RAB7A: variants seen among roughly 807,000 people sequenced by gnomAD.
RAB7A encodes the protein RAB7A, member RAS oncogene family.
In RAB7A, 2 loss-of-function variants were observed where a neutral mutation model predicts 24.5. The ratio of observed to expected loss-of-function variants is 0.08; its 90% CI spans 0.03 to 0.26. The LOEUF (loss-of-function observed/expected upper bound fraction) is 0.26. Ranked by LOEUF, RAB7A falls within the 10% of genes least tolerant of loss-of-function variation. RAB7A has a pLI of 1.00. For synonymous variants in RAB7A, 100 were observed against 95.9 expected, an observed-to-expected ratio of 1.04 and a Z score of -0.25; for missense variants, 118 against 255.7, an observed-to-expected ratio of 0.46 and a Z score of 3.67.
chr3:128,801,174 C>T (rs900369811), intron 3 of RAB7A, among the ~76,000 whole-genome samples: 1 of 152,146 alleles, frequency 6.6e-6, no homozygotes, highest in Non-Finnish European at 1.5e-5. Flanking sequence ...ATGTGTACAG[C>T]ATAGTGCCTG....
intron 1 of RAB7A, among the ~76,000 whole-genome samples, chr3:128,731,163 A>T (rs1179075903): frequency 6.6e-6 from 1 of 152,234 alleles, no homozygotes; most frequent in African/African-American, 2.4e-5. Context: ...TTGATTTCCA[A>T]TATTGGTATG....
At chr3:128,746,517 T>A (rs560412377) in intron 1 of RAB7A, among the ~76,000 whole-genome samples, 29 of 151,752 alleles carry the variant, frequency 1.9e-4, no homozygotes, top group African/African-American at 4.6e-4. Flanking sequence ...TTTTTTATTT[T>A]TTTATTTTTT....
At chr3:128,787,447 C>T (rs899210290) in intron 1 of RAB7A, among the ~76,000 whole-genome samples, 1 of 152,166 alleles carries the variant, frequency 6.6e-6, no homozygotes, top group African/African-American at 2.4e-5. Flanking sequence ...CCAGCCCTCA[C>T]AAGCCAGAAT....
In RAB7A at chr3:128,764,927, C is replaced by T. The variant is rs1004241514; in HGVS notation, c.-8-30433C>T. On this transcript the variant is annotated intron_variant, in intron 1 of 5. Transcript: ENST00000265062. ...GACACGGACAGGTAAACGTAGGAGG[C>T]GTAGAGCTCCAGGTTGATCTGGCCG... is the stretch of plus-strand genomic sequence containing the variant. 1.6e-4 allele frequency: 260 copies of T among 1,589,898 alleles called. 1 individual carries two copies. The highest frequency in any genetic ancestry group is 2.7e-4 in the Admixed American group (16 of 59,966).
At chr3:128,789,739 G>C (rs1933414921) in intron 1 of RAB7A, among the ~76,000 whole-genome samples, 1 of 151,436 alleles carries the variant, frequency 6.6e-6, no homozygotes, top group Non-Finnish European at 1.5e-5. Context: ...AGCTAACTCT[G>C]CTTGGGCAGC....
At chr3:128,780,489 A>C (rs907379082) in intron 1 of RAB7A, among the ~76,000 whole-genome samples, 3 of 152,200 alleles carry the variant, frequency 2.0e-5, no homozygotes, top group African/African-American at 7.2e-5. Flanking sequence ...TGTACTTACC[A>C]GCTTATAGAG....
chr3:128,746,455 A>C (rs2070616215), intron 1 of RAB7A, among the ~76,000 whole-genome samples: 1 of 151,822 alleles, frequency 6.6e-6, no homozygotes, highest in African/African-American at 2.4e-5. Flanking sequence ...TTTTTTGTAG[A>C]GATGCGGTCT....
chr3:128,791,669 T>TG (rs1933456611), intron 1 of RAB7A, among the ~76,000 whole-genome samples: 1 of 152,152 alleles, frequency 6.6e-6, no homozygotes, highest in Non-Finnish European at 1.5e-5. Context: ...CATGGATAAG[T>TG]GATGGGCCAC....
chr3:128,736,630 G>C (rs2107583762), intron 1 of RAB7A, among the ~76,000 whole-genome samples: 1 of 152,106 alleles, frequency 6.6e-6, no homozygotes, highest in African/African-American at 2.4e-5. Flanking sequence ...TTTAAATCCA[G>C]CACATACAGA....
chr3:128,798,821 TAAAA>T (rs56925997), intron 3 of RAB7A: 1,482 of 149,996 alleles, frequency 9.9e-3, no homozygotes, highest in South Asian at 0.027. Context: ...TCTCTAAATT[TAAAA>T]AAAAAAAAAA....
At chr3:128,758,274 G>GTT (rs35360318) in intron 1 of RAB7A, among the ~76,000 whole-genome samples, 3,314 of 126,702 alleles carry the variant, frequency 0.026, 155 homozygotes, top group African/African-American at 0.084. Context: ...TTGTTTTTTT[G>GTT]TTTTTTTTTT....
At chr3:128,797,898 G>A in intron 2 of RAB7A, 45 bp from the exon 3 acceptor site, 1 of 1,605,744 alleles carries the variant, frequency 6.2e-7, no homozygotes. Context: ...TCAGTTTCAG[G>A]ACCCTCCTAT....
At chr3:128,760,178 A>G (rs997751399) in intron 1 of RAB7A, among the ~76,000 whole-genome samples, 3 of 152,300 alleles carry the variant, frequency 2.0e-5, no homozygotes, top group South Asian at 2.1e-4. Flanking sequence ...GAGGCTGCTT[A>G]GAGAAGGAGG....
intron 1 of RAB7A, among the ~76,000 whole-genome samples, chr3:128,756,854 T>TA (rs2070733385): frequency 6.6e-6 from 1 of 151,682 alleles, no homozygotes; most frequent in African/African-American, 2.4e-5. Context: ...CTTTTTTTTT[T>TA]TTTTTTTGAG....
In RAB7A at chr3:128,810,781, C is replaced by T. The variant is rs191247275; in HGVS notation, c.529-2546C>T. ...CACAAACATTCTGCCCAGCCGAGTG[C>T]GGTGGCTCATGCCTGTAATCCCAGC... On this transcript the variant is annotated intron_variant, in intron 5 of 5. Transcript: ENST00000265062. Among the ~76,000 whole-genome samples the T allele has an allele frequency of 5.5e-3, 836 of 152,290 alleles. 6 individuals are homozygous for T. The highest frequency in any genetic ancestry group is 8.0e-3 in the Non-Finnish European group (546 of 68,032).
chr3:128,732,918 C>T (rs2070453054), intron 1 of RAB7A, among the ~76,000 whole-genome samples: 1 of 152,184 alleles, frequency 6.6e-6, no homozygotes, highest in Admixed American at 6.5e-5. Flanking sequence ...ACCTGTGATA[C>T]TTCTCCTAGT....
At chr3:128,804,022 T>C (rs1351116348) in intron 3 of RAB7A, among the ~76,000 whole-genome samples, 2 of 152,176 alleles carry the variant, frequency 1.3e-5, no homozygotes, top group Non-Finnish European at 2.9e-5. Flanking sequence ...ACTCAAGCTG[T>C]AGCTTACCTA....
At chr3:128,786,767 A>G (rs1218107582) in intron 1 of RAB7A, among the ~76,000 whole-genome samples, 5 of 152,202 alleles carry the variant, frequency 3.3e-5, no homozygotes, top group African/African-American at 9.7e-5. Flanking sequence ...AATGTATTCT[A>G]CTAATCCAAG....
intron 1 of RAB7A, among the ~76,000 whole-genome samples, chr3:128,742,227 C>T (rs1046293472): frequency 1.7e-4 from 25 of 150,796 alleles, no homozygotes; most frequent in Middle Eastern, 3.2e-3. Flanking sequence ...TTATTCCCCC[C>T]GGTGGGTTCG....
Sources: allele counts gnomAD v4.1 joint callset (sites outside exome capture counted in the v4.1 genomes callset), GRCh38; gene constraint gnomAD v4.1.1; transcripts MANE v1.5; gene names NCBI Gene and HGNC (gene_info 2026-07-23, HGNC 2026-07-21).